Variants in ABCB4 observed in about 807,000 individuals in gnomAD.
The protein encoded by ABCB4 is ATP binding cassette subfamily B member 4, also known as phosphatidylcholine translocator ABCB4.
A neutral mutation model predicts 145.7 loss-of-function variants in ABCB4; 76 were observed. The observed-to-expected ratio is 0.52, with a 90% CI of 0.43 to 0.63. The LOEUF is 0.63. Ranked by LOEUF, ABCB4 falls within the 30% of genes least tolerant of loss-of-function variation. ABCB4 has a pLI of 0.00. For synonymous variants in ABCB4, 517 were observed against 566.8 expected, an observed-to-expected ratio of 0.91 and a Z score of 1.25; for missense variants, 1,234 against 1,553.1, an observed-to-expected ratio of 0.79 and a Z score of 3.45.
Position 87,445,325 on chromosome 7 carries a change from C to T in ABCB4, c.1006-350G>A, listed in dbSNP as rs769150511. Among the ~76,000 whole-genome samples, 40 of 152,110 alleles carry T rather than the reference C, an allele frequency of 2.6e-4. 1 individual carries two copies. The highest frequency in any genetic ancestry group is 6.5e-5 in the Admixed American group (1 of 15,272). ...CTAACTATGCATGGAATTACATAGA[C>T]GGTTCAATATAAAACATGGCAGATT... On this transcript the variant is annotated intron_variant, in intron 9 of 27. Coordinates refer to ENST00000649586, the MANE Select transcript of ABCB4 (RefSeq NM_000443.4).
chr7:87,402,140 A>T lies in ABCB4; in HGVS notation c.3796T>A (p.Tyr1266Asn). The change falls in exon 28 of 28, where the codon TAT (tyrosine) becomes AAT (asparagine). Residue 1266 changes from tyrosine to asparagine, a missense_variant. By Grantham distance (143) the Tyr-to-Asn change is moderately radical. Transcript: ENST00000649586. ...HQQLLAQKGIYFSMVSVQAGT... is the reference protein window; with the variant it reads ...HQQLLAQKGINFSMVSVQAGT... ...GCCTGGACACTGACCATTGAAAAAT[A>T]GATGCCTTTCTGTGCCAGCAGCTGC... is the stretch of plus-strand genomic sequence containing the variant. 1 of 1,614,118 alleles carries T rather than the reference A, an allele frequency of 6.2e-7. No homozygotes were observed. Among genetic ancestry groups the T allele is most frequent in the South Asian group, 1.1e-5 (1 of 91,080 alleles).
intron 12 of ABCB4, among the ~76,000 whole-genome samples, chr7:87,442,013 G>A (rs958331469): frequency 6.6e-6 from 1 of 152,136 alleles, no homozygotes; most frequent in African/African-American, 2.4e-5. Context: ...TCAGTGGTAA[G>A]AAAATTGTTA....
chr7:87,434,281 A>G (rs1416392559), intron 14 of ABCB4, among the ~76,000 whole-genome samples: 2 of 151,888 alleles, frequency 1.3e-5, no homozygotes, highest in African/African-American at 4.8e-5. Flanking sequence ...TGATAACACC[A>G]TGATCAGGAG....
At chr7:87,471,098 A>G (rs1463396277) in intron 3 of ABCB4, among the ~76,000 whole-genome samples, 1 of 152,016 alleles carries the variant, frequency 6.6e-6, no homozygotes, top group Non-Finnish European at 1.5e-5. Context: ...AACCATCCTC[A>G]GCAAACTATC....
Position 87,426,903 on chromosome 7 carries a change from G to C in ABCB4, c.1911C>G (p.Ile637Met). 6.2e-7 allele frequency: 1 copy of C among 1,612,172 alleles called. No homozygotes were observed. The highest frequency in any genetic ancestry group is 2.2e-5 in the East Asian group (1 of 44,756). The change falls in exon 16 of 28, where the codon ATC (isoleucine) becomes ATG (methionine). Residue 637 changes from isoleucine (I) to methionine (M), a missense_variant. This residue lies in a region of ABCB4 where 321 missense variants were observed against 332.6 expected (regional missense o/e 0.97). Coordinates refer to ENST00000649586, the MANE Select transcript of ABCB4 (RefSeq NM_000443.4). ...CATTTAGTTCAAATTCTTCTGACTG[G>C]ATCTGGCTTCCTGATGTCTGAAAGA... ...LVNMQTSGSQ[I>M]QSEEFELNDE...
chr7:87,382,111 A>G, the ABCB4 span: 2 of 1,613,578 alleles, frequency 1.2e-6, no homozygotes, highest in Non-Finnish European at 1.7e-6. Context: ...CTTCCAGAAG[A>G]GCTCATTTTC....
chr7:87,432,860 G>T lies in ABCB4; in HGVS notation c.1732-1295C>A, dbSNP rs1031372384. Among the ~76,000 whole-genome samples the T allele has an allele frequency of 8.5e-5, 13 of 152,162 alleles. No individual in the cohort carries two copies. In the South Asian group the frequency reaches 2.7e-3, roughly 32 times the overall value. The stretch of plus-strand genomic sequence containing the variant: ...ATATTTTTAAAGGGTGAATTTTATG[G>T]CATGTGTTTGTATCTCAATTTTTTA... On this transcript the variant is annotated intron_variant, in intron 14 of 27. Coordinates refer to ENST00000649586, the MANE Select transcript of ABCB4 (RefSeq NM_000443.4).
chr7:87,451,140 T>A (rs1469676810), intron 7 of ABCB4, among the ~76,000 whole-genome samples: 2 of 79,642 alleles, frequency 2.5e-5, no homozygotes, highest in African/African-American at 8.7e-5. Flanking sequence ...GAACTGTGAA[T>A]TTTTTTTTTT....
chr7:87,368,021 G>A, the ABCB4 span, among the ~76,000 whole-genome samples: 2 of 152,048 alleles, frequency 1.3e-5, no homozygotes, highest in Admixed American at 6.6e-5. Context: ...CCATCATACT[G>A]GAAACCACTT....
At chr7:87,473,399 T>A (rs1813577565) in intron 2 of ABCB4, among the ~76,000 whole-genome samples, 1 of 152,220 alleles carries the variant, frequency 6.6e-6, no homozygotes, top group Non-Finnish European at 1.5e-5. Context: ...TGCTGTTCCA[T>A]GAACTCACCA....
intron 4 of ABCB4, among the ~76,000 whole-genome samples, chr7:87,460,479 C>T (rs919213926): frequency 2.0e-5 from 3 of 152,004 alleles, no homozygotes; most frequent in Non-Finnish European, 2.9e-5. Flanking sequence ...CTATTGTTCT[C>T]ATCTTTATGT....
intron 17 of ABCB4, among the ~76,000 whole-genome samples, chr7:87,422,919 G>A (rs1241919526): frequency 6.6e-6 from 1 of 152,196 alleles, no homozygotes; most frequent in Non-Finnish European, 1.5e-5. Context: ...GTGTACCACT[G>A]TATCTCCAGT....
intron 18 of ABCB4, among the ~76,000 whole-genome samples, chr7:87,420,583 C>G (rs936404431): frequency 1.3e-5 from 2 of 152,208 alleles, no homozygotes; most frequent in African/African-American, 4.8e-5. Flanking sequence ...AGTGACCAAA[C>G]CTGCCCGTTG....
rs142980157 is a variant in ABCB4 at position 87,408,226 on chromosome 7, A to C, written c.3090T>G (p.Phe1030Leu). The part of the protein sequence containing the change: ...YSEEGLKPDK[F>L]EGNITFNEVV... Reference sequence around the variant, plus strand: ...CTTCATTAAATGTTATATTTCCTTCAAATTTATCCTGAATAAATGTTTAAA... The same window carrying C: ...CTTCATTAAATGTTATATTTCCTTCCAATTTATCCTGAATAAATGTTTAAA... Residue 1030 changes from phenylalanine (F) to leucine (L), a missense_variant, in exon 25 of 28, where the codon TTT becomes TTG. Physicochemically the swap from Phe to Leu is conservative, Grantham distance 22. Around this residue, in one of 7 missense-constraint regions of ABCB4, gnomAD observed 301 missense variants for 389.0 expected, o/e 0.77. Coordinates refer to ENST00000649586, the MANE Select transcript of ABCB4 (RefSeq NM_000443.4). The C allele has an allele frequency of 1.2e-6, 2 of 1,613,908 alleles. No individual in the cohort carries two copies. Among genetic ancestry groups the C allele is most frequent in the South Asian group, 1.1e-5 (1 of 91,078 alleles).
chr7:87,447,011 T>A, intron 9 of ABCB4, 23 bp downstream of exon 9: 1 of 1,587,588 alleles, frequency 6.3e-7, no homozygotes, highest in Non-Finnish European at 8.6e-7. Flanking sequence ...ATATTCTTCA[T>A]AAATGTTAGG....
intron 24 of ABCB4, among the ~76,000 whole-genome samples, chr7:87,408,805 A>T (rs1166911394): frequency 1.3e-5 from 2 of 152,344 alleles, no homozygotes; most frequent in East Asian, 3.9e-4. Flanking sequence ...CTCAGATGTG[A>T]GTTTAAGTTA....
chr7:87,419,957 A>G, intron 19 of ABCB4, 41 bp downstream of exon 19: 2 of 1,575,936 alleles, frequency 1.3e-6, no homozygotes, highest in Non-Finnish European at 1.7e-6. Flanking sequence ...TATGGAAGAA[A>G]TGTGAAAGAT....
At chr7:87,422,525 C>T (rs915357266) in intron 17 of ABCB4, among the ~76,000 whole-genome samples, 3 of 152,172 alleles carry the variant, frequency 2.0e-5, no homozygotes, top group African/African-American at 7.2e-5. Flanking sequence ...CTCCCCATTC[C>T]CTCCTCCTCC....
chr7:87,433,683 T>TTTTG (rs1810405629), intron 14 of ABCB4, among the ~76,000 whole-genome samples: 1 of 150,002 alleles, frequency 6.7e-6, no homozygotes, highest in South Asian at 2.1e-4. Context: ...TTGTTTTTTT[T>TTTTG]TTTTTTTTTT....
Sources: allele counts gnomAD v4.1 joint callset (sites outside exome capture counted in the v4.1 genomes callset), GRCh38; gene constraint gnomAD v4.1.1; regional missense constraint gnomAD v4.1.1; transcripts MANE v1.5; gene names NCBI Gene and HGNC (gene_info 2026-07-23, HGNC 2026-07-21).